Variants in HAGH observed in about 807,000 individuals in gnomAD.
HAGH encodes hydroxyacylglutathione hydrolase, mitochondrial.
A neutral mutation model predicts 35.1 loss-of-function variants in HAGH; 29 were observed. The ratio of observed to expected loss-of-function variants is 0.83; its 90% CI spans 0.62 to 1.13. The LOEUF (loss-of-function observed/expected upper bound fraction) is 1.13. Among genes scored for constraint, HAGH ranks in the 50% most tolerant of loss-of-function variants. The pLI, the probability that HAGH is intolerant of heterozygous loss-of-function variation, is 0.00. For synonymous variants in HAGH, 225 were observed against 176.1 expected (o/e 1.28, Z -2.20); for missense variants, 478 against 419.6 (o/e 1.14, Z -1.22).
intron 8 of HAGH, 164 bp downstream of exon 8, chr16:1,809,590 G>C (rs187265030): frequency 3.2e-5 from 22 of 691,184 alleles, no homozygotes; most frequent in East Asian, 2.6e-5. Flanking sequence ...GCCAGGAAAG[G>C]CCGGACCCCC....
At position 1,816,958 on chromosome 16, in the gene HAGH, G is replaced by A. The variant is rs946045159; in HGVS notation, c.682C>T (p.Leu228Phe). 3.1e-6 allele frequency: 5 copies of A among 1,613,676 alleles called. No homozygotes were observed. Among genetic ancestry groups the A allele is most frequent in the Non-Finnish European group, 4.2e-6 (5 of 1,179,584 alleles). Residue 228 changes from leucine to phenylalanine, a missense_variant, in exon 7 of 9, where the codon CTC (leucine) becomes TTC (phenylalanine). Transcript: ENST00000397356. ...GGCTCCACGTGGCGTGCAAACTTGA[G>A]GTTGTTGATGGTGTACTCGTGGCCA... ...YCGHEYTINN[L>F]KFARHVEPGN...
At position 1,812,135 on chromosome 16, in the gene HAGH, A is replaced by G. The variant is rs570613275; in HGVS notation, c.748-2302T>C. 9.6e-4 allele frequency among the ~76,000 whole-genome samples: 143 copies of G among 148,600 alleles called. 1 individual carries two copies. The highest frequency in any genetic ancestry group is 3.5e-3 in the African/African-American group (140 of 40,014). ...AACCCAGGAGGCGGAGGTTGCAGTGAGCCGAGATTGTGCCACTGCACTCCA... is the reference window on the plus strand; with the variant it reads ...AACCCAGGAGGCGGAGGTTGCAGTGGGCCGAGATTGTGCCACTGCACTCCA... On this transcript the variant is annotated intron_variant, in intron 7 of 8. Coordinates refer to ENST00000397356, the MANE Select transcript of HAGH (RefSeq NM_005326.6).
At position 1,822,854 on chromosome 16, in the gene HAGH, G is replaced by C; in HGVS notation, c.249+11C>G. 6.2e-7 allele frequency: 1 copy of C among 1,611,236 alleles called. No individual in the cohort carries two copies. The stretch of plus-strand genomic sequence containing the variant: ...ACCAGGGCAGGGAGAGCCAGGCACA[G>C]CCATGCGCACCTTCTGGGGCTGCAC... On this transcript the variant is annotated intron_variant, in intron 2 of 8. Transcript: ENST00000397356.
chr16:1,816,206 A>G (rs912594004), intron 7 of HAGH, among the ~76,000 whole-genome samples: 4 of 140,188 alleles, frequency 2.9e-5, no homozygotes, highest in Non-Finnish European at 6.3e-5. Flanking sequence ...TCCGTCTCAA[A>G]AAAAAATTAA....
At chr16:1,820,150 T>C in intron 3 of HAGH, 136 bp from the exon 4 acceptor site, 1 of 697,236 alleles carries the variant, frequency 1.4e-6, no homozygotes, top group South Asian at 1.7e-5. Flanking sequence ...TATTTTCCAC[T>C]CACAAAGGAA....
intron 8 of HAGH, 81 bp from the exon 9 acceptor site, chr16:1,809,463 C>G (rs1181842688): frequency 8.5e-7 from 1 of 1,181,952 alleles, no homozygotes; most frequent in Non-Finnish European, 1.2e-6. Context: ...AGGAAGGCGA[C>G]TCGTGCTGGC....
chr16:1,810,581 G>C (rs547089651), intron 7 of HAGH: 1 of 152,762 alleles, frequency 6.5e-6, no homozygotes, highest in East Asian at 1.9e-4. Context: ...GGGTGGGGGC[G>C]GGGGGAGGAG....
intron 3 of HAGH, 109 bp from the exon 4 acceptor site, chr16:1,820,123 T>C (rs1898089671): frequency 1.3e-6 from 1 of 747,924 alleles, no homozygotes. Flanking sequence ...TCTTAAACCC[T>C]AGTCAAACGC....
chr16:1,823,090 A>G (rs1596940707), intron 1 of HAGH, 53 bp from the exon 2 acceptor site: 16 of 1,499,974 alleles, frequency 1.1e-5, no homozygotes, highest in Non-Finnish European at 1.5e-5. Flanking sequence ...CCTCCACGAC[A>G]GGACGCGCAA....
Position 1,813,979 on chromosome 16 carries a change from C to T in HAGH, c.747+2914G>A, listed in dbSNP as rs1897774817. 3.3e-5 allele frequency among the ~76,000 whole-genome samples: 5 copies of T among 152,312 alleles called. No individual in the cohort carries two copies. In the South Asian group the frequency reaches 1.0e-3, roughly 32 times the overall value. ...GTCCTTCGACAGACAGCCCTGAACA[C>T]CTCGGGATCACACTGCGAGAGGGTG... On this transcript the variant is annotated intron_variant, in intron 7 of 8. Transcript: ENST00000397356.
At position 1,809,394 on chromosome 16, in the gene HAGH, AGCACCGG is replaced by A. The variant is rs773546067; in HGVS notation, c.828-19_828-13del. 2 of 1,602,162 alleles carry A rather than the reference AGCACCGG, an allele frequency of 1.2e-6. No individual in the cohort carries two copies. Among genetic ancestry groups the A allele is most frequent in the African/African-American group, 2.7e-5 (2 of 74,812 alleles). On this transcript the variant is annotated splice_polypyrimidine_tract_variant and intron_variant, in intron 8 of 8. Transcript: ENST00000397356. ...GCACCGTCTTCTCCCTGCGGAGGCC[AGCACCGG>A]GCTGCAGGCTGTGCCGAGCCACGCC...
In HAGH at chr16:1,820,031, A is replaced by G. The variant is rs756471060; in HGVS notation, c.315-17T>C. 4 of 1,526,534 alleles carry G rather than the reference A, an allele frequency of 2.6e-6. No individual in the cohort carries two copies. The African/African-American group carries it at 5.6e-5, about 21-fold the overall frequency. The allele number at this position is 1,526,534 out of a possible 1,614,324, so 94.6% of individuals were successfully genotyped here. A position where few individuals can be genotyped will look rare whatever the true frequency, so the allele number is the denominator to read the frequency against. Reference sequence around the variant, plus strand: ...GCATGGTCCCTAGAAGTCAAACAGGAGACCTGGGCTGCCTGCTGAGCTGAG... The same window carrying G: ...GCATGGTCCCTAGAAGTCAAACAGGGGACCTGGGCTGCCTGCTGAGCTGAG... On this transcript the variant is annotated splice_polypyrimidine_tract_variant and intron_variant, in intron 3 of 8. Transcript: ENST00000397356.
chr16:1,826,062 C>G (rs904292237), intron 1 of HAGH, among the ~76,000 whole-genome samples: 4 of 152,320 alleles, frequency 2.6e-5, no homozygotes, highest in Non-Finnish European at 5.9e-5. Flanking sequence ...AATCCATGTC[C>G]TTTCCTTAGC....
At chr16:1,820,522 T>C (rs969745191) in intron 3 of HAGH, among the ~76,000 whole-genome samples, 1 of 152,138 alleles carries the variant, frequency 6.6e-6, no homozygotes, top group Non-Finnish European at 1.5e-5. Flanking sequence ...GCGTCTGGGA[T>C]GAGCAGCTGG....
At chr16:1,816,257 G>C (rs75526309) in intron 7 of HAGH, among the ~76,000 whole-genome samples, 1 of 150,802 alleles carries the variant, frequency 6.6e-6, no homozygotes, top group East Asian at 2.0e-4. Flanking sequence ...ATCTGATTTA[G>C]AGTTGGAATT....
chr16:1,819,832 G>T, intron 4 of HAGH, 65 bp downstream of exon 4: 1 of 989,552 alleles, frequency 1.0e-6, no homozygotes, highest in East Asian at 2.4e-5. Flanking sequence ...AATGCGGGGA[G>T]GGACCCCCCT....
intron 7 of HAGH, chr16:1,812,262 T>C (rs1897683226): frequency 6.6e-6 from 1 of 150,994 alleles, no homozygotes; most frequent in Non-Finnish European, 1.5e-5. Flanking sequence ...TCCCAGCACT[T>C]TGGGAGGCTG....
In HAGH at chr16:1,815,757, G is replaced by A. The variant is rs532122852; in HGVS notation, c.747+1136C>T. On this transcript the variant is annotated intron_variant, in intron 7 of 8. Coordinates refer to ENST00000397356, the MANE Select transcript of HAGH (RefSeq NM_005326.6). The stretch of plus-strand genomic sequence containing the variant: ...ACACGGGCCAGGTGACGTGGCTCAC[G>A]CCTGTAATCTCAGCACTTTGGGAGG... Among the ~76,000 whole-genome samples the A allele has an allele frequency of 5.9e-5, 9 of 152,198 alleles. No homozygotes were observed. The East Asian group carries it at 1.2e-3, about 20-fold the overall frequency.
At chr16:1,810,019 G>C (rs1897568265) in intron 7 of HAGH, 186 bp from the exon 8 acceptor site, 1 of 589,964 alleles carries the variant, frequency 1.7e-6, no homozygotes, top group Non-Finnish European at 3.0e-6. Flanking sequence ...CAAAAAACTA[G>C]CCAGGCATGG....
Sources: allele counts gnomAD v4.1 joint callset (sites outside exome capture counted in the v4.1 genomes callset), GRCh38; gene constraint gnomAD v4.1.1; transcripts MANE v1.5; gene names NCBI Gene and HGNC (gene_info 2026-07-23, HGNC 2026-07-21).